The following ZNF565 variants were observed in gnomAD, a reference collection of about 807,000 sequenced individuals.
ZNF565 encodes the protein zinc finger protein 565.
Under a neutral mutation model 39.4 loss-of-function variants are expected in ZNF565, and 27 were observed. That is an observed-to-expected ratio of 0.69 (90% confidence interval 0.51 to 0.95). The LOEUF (loss-of-function observed/expected upper bound fraction) is 0.95. Ranked by LOEUF, ZNF565 falls within the 40% of genes least tolerant of loss-of-function variation. The probability of loss-of-function intolerance (pLI) is 0.00; values close to 1 mark genes in which losing one functional copy is unlikely to be tolerated. For missense variants in ZNF565, 524 were observed against 621.1 expected (o/e 0.84, Z 1.66); for synonymous variants, 185 against 216.6 (o/e 0.85, Z 1.28).
rs1211516668 is a variant in ZNF565 at position 36,227,792 on chromosome 19, G to A, written c.55+17684C>T. The stretch of plus-strand genomic sequence containing the variant: ...GGTCTTGAACTCCTGCACTCAAAAC[G>A]ATTCACCCACTTCCGGCCTCCCGAA... On this transcript the variant is annotated intron_variant, in intron 1 of 4. Transcript: ENST00000355114. 3.3e-5 allele frequency among the ~76,000 whole-genome samples: 5 copies of A among 152,084 alleles called. No individual in the cohort carries two copies. The South Asian group carries it at 6.2e-4, about 19-fold the overall frequency.
At chr19:36,215,683 T>G (rs1599952949), upstream of ZNF565, among the ~76,000 whole-genome samples, 2 of 151,500 alleles carry the variant, frequency 1.3e-5, no homozygotes, top group Non-Finnish European at 2.9e-5. Flanking sequence ...TAAACGAGAG[T>G]GTTTCGAAGG....
chr19:36,239,395 C>T (rs745734659), intron 1 of ZNF565, among the ~76,000 whole-genome samples: 1 of 150,558 alleles, frequency 6.6e-6, no homozygotes, highest in Admixed American at 6.6e-5. Flanking sequence ...TCTTGGCTCA[C>T]TGCAATCTCC....
intron 4 of ZNF565, among the ~76,000 whole-genome samples, chr19:36,191,810 G>A (rs1395439176): frequency 1.3e-5 from 2 of 152,138 alleles, no homozygotes; most frequent in Admixed American, 6.6e-5. Context: ...CATTAGACAA[G>A]TGACAGAGTA....
intron 1 of ZNF565, among the ~76,000 whole-genome samples, chr19:36,209,489 C>T (rs554811308): frequency 1.3e-5 from 2 of 151,592 alleles, no homozygotes; most frequent in East Asian, 1.9e-4. Context: ...AGCGGGACTC[C>T]GTCTCAAAAC....
rs534791425 is a variant in ZNF565 at position 36,232,095 on chromosome 19, C to T, written c.55+13381G>A. ...ATGCACACCTATCGTCCCAGCTACT[C>T]GGGAGGCTGAGGCAGGAGAATCGGT... On this transcript the variant is annotated intron_variant, in intron 1 of 4. Coordinates refer to the ZNF565 transcript ENST00000355114. 9.2e-4 allele frequency among the ~76,000 whole-genome samples: 138 copies of T among 150,616 alleles called. 1 individual carries two copies. The highest frequency in any genetic ancestry group is 1.6e-3 in the Non-Finnish European group (109 of 67,820).
intron 1 of ZNF565, among the ~76,000 whole-genome samples, chr19:36,231,244 CTG>C (rs1977354374): frequency 6.6e-6 from 1 of 152,130 alleles, no homozygotes. Flanking sequence ...TAGTTTCACT[CTG>C]TTGTCCAGGT....
intron 3 of ZNF565, 35 bp from the exon 4 acceptor site, chr19:36,194,363 C>T: frequency 6.5e-7 from 1 of 1,537,702 alleles, no homozygotes; most frequent in Non-Finnish European, 8.8e-7. Flanking sequence ...TGTGATCAGA[C>T]CGCTCCAAAA....
rs756016685 is a variant in ZNF565 at position 36,194,950 on chromosome 19, C to G, written c.136+80G>C. 7 of 1,601,818 alleles carry G rather than the reference C, an allele frequency of 4.4e-6. No individual in the cohort carries two copies. The East Asian group carries it at 1.1e-4, about 26-fold the overall frequency. On this transcript the variant is annotated intron_variant, in intron 3 of 4. Coordinates refer to ENST00000304116, the MANE Select transcript of ZNF565 (RefSeq NM_152477.5). ...AGTTTCCTCTCCTCACCCATTTAGG[C>G]AGAGATGGAAACTGCACCCCATGGT...
In ZNF565 at chr19:36,225,481, A is replaced by G. The variant is rs532279645; in HGVS notation, c.55+19995T>C. On this transcript the variant is annotated intron_variant, in intron 1 of 4. Coordinates refer to the ZNF565 transcript ENST00000355114. ...TCTTAAGTTCATTTTGTTATGTTTC[A>G]GTTTTCATCTGCTTTGTGATTCTTA... Among the ~76,000 whole-genome samples, 161 of 150,236 alleles carry G rather than the reference A, an allele frequency of 1.1e-3. 2 individuals are homozygous for G. The highest frequency in any genetic ancestry group is 3.8e-3 in the African/African-American group (156 of 41,120).
upstream of ZNF565, among the ~76,000 whole-genome samples, chr19:36,217,055 C>CTTTTT (rs752632008): frequency 0.036 from 2,391 of 65,836 alleles, 320 homozygotes; most frequent in South Asian, 0.052. Flanking sequence ...CAGTCCCTGT[C>CTTTTT]TTTTTTTTTT....
chr19:36,208,264 G>A (rs1334879525), intron 1 of ZNF565, among the ~76,000 whole-genome samples: 2 of 151,102 alleles, frequency 1.3e-5, no homozygotes, highest in Non-Finnish European at 2.9e-5. Flanking sequence ...CAGGCTGGAG[G>A]GCAGTGGCGC....
upstream of ZNF565, chr19:36,218,251 C>G (rs1194919181): frequency 6.6e-6 from 1 of 151,902 alleles, no homozygotes; most frequent in Admixed American, 6.6e-5. Context: ...GAAATAATAG[C>G]AATATTTGAT....
chr19:36,236,363 A>G, intron 1 of ZNF565: 1 of 1,495,608 alleles, frequency 6.7e-7, no homozygotes, highest in South Asian at 1.4e-5. Flanking sequence ...AAATATCTTC[A>G]GCCAAAAGTA....
chr19:36,217,758 C>A (rs891797965), upstream of ZNF565, among the ~76,000 whole-genome samples: 1 of 151,968 alleles, frequency 6.6e-6, no homozygotes, highest in South Asian at 2.1e-4. Flanking sequence ...GCGGCACATG[C>A]CTGTTAATCC....
intron 1 of ZNF565, among the ~76,000 whole-genome samples, chr19:36,206,459 G>GAA (rs137958051): frequency 7.6e-5 from 11 of 145,196 alleles, no homozygotes; most frequent in African/African-American, 2.8e-4. Context: ...AAAATTTGAA[G>GAA]AAAAAAAAAA....
chr19:36,189,199 G>A (rs1975430940), intron 4 of ZNF565, among the ~76,000 whole-genome samples: 1 of 152,052 alleles, frequency 6.6e-6, no homozygotes, highest in Non-Finnish European at 1.5e-5. Context: ...TGAGGTGGGA[G>A]GATGGCTTGA....
At chr19:36,196,274 C>G (rs1439012619) in intron 2 of ZNF565, among the ~76,000 whole-genome samples, 1 of 152,030 alleles carries the variant, frequency 6.6e-6, no homozygotes, top group Non-Finnish European at 1.5e-5. Flanking sequence ...CAGAATCTCA[C>G]TATGTTACCC....
At chr19:36,185,810 C>T (rs974281896) in intron 4 of ZNF565, among the ~76,000 whole-genome samples, 2 of 150,508 alleles carry the variant, frequency 1.3e-5, no homozygotes, top group African/African-American at 4.9e-5. Flanking sequence ...TCTCCTGCCT[C>T]AGCCTCCCGA....
intron 1 of ZNF565, among the ~76,000 whole-genome samples, chr19:36,212,500 T>C (rs1350606059): frequency 6.6e-6 from 1 of 152,002 alleles, no homozygotes; most frequent in African/African-American, 2.4e-5. Flanking sequence ...CATTTGTCTG[T>C]AATCTCAGCT....
Sources: allele counts gnomAD v4.1 joint callset (sites outside exome capture counted in the v4.1 genomes callset), GRCh38; gene constraint gnomAD v4.1.1; transcripts MANE v1.5; gene names NCBI Gene and HGNC (gene_info 2026-07-23, HGNC 2026-07-21).